The following FAM193A variants were observed in gnomAD, a reference collection of about 807,000 sequenced individuals.
FAM193A encodes the protein family with sequence similarity 193 member A, also known as protein FAM193A.
A neutral mutation model predicts 126.5 loss-of-function variants in FAM193A; 22 were observed. The ratio of observed to expected loss-of-function variants is 0.17; its 90% CI spans 0.12 to 0.25. The LOEUF (loss-of-function observed/expected upper bound fraction) is 0.25, where lower values mean the gene tolerates loss of function less well. Among genes scored for constraint, FAM193A ranks in the 10% least tolerant of loss-of-function variants. The pLI, the probability that FAM193A is intolerant of heterozygous loss-of-function variation, is 1.00. For missense variants in FAM193A, 1,675 were observed against 1,672.8 expected (o/e 1.00, Z -0.02); for synonymous variants, 761 against 646.8 (o/e 1.18, Z -2.68).
chr4:2,561,737 T>A (rs978787666), intron 1 of FAM193A, among the ~76,000 whole-genome samples: 1 of 152,030 alleles, frequency 6.6e-6, no homozygotes, highest in Non-Finnish European at 1.5e-5. Context: ...TCTCAAGTGA[T>A]CTGCCTGCCT....
intron 13 of FAM193A, among the ~76,000 whole-genome samples, chr4:2,678,511 C>A (rs1369553819): frequency 6.6e-6 from 1 of 151,812 alleles, no homozygotes; most frequent in Non-Finnish European, 1.5e-5. Flanking sequence ...TACAGGCATG[C>A]GCCTCCATGC....
intron 1 of FAM193A, among the ~76,000 whole-genome samples, chr4:2,594,808 T>C (rs1303951582): frequency 1.6e-4 from 23 of 144,588 alleles, no homozygotes; most frequent in African/African-American, 4.7e-4. Context: ...TCTTTCTTTT[T>C]CTTTTCTTTT....
At chr4:2,617,205 T>G (rs1248738791) in intron 2 of FAM193A, among the ~76,000 whole-genome samples, 1 of 134,646 alleles carries the variant, frequency 7.4e-6, no homozygotes, top group Non-Finnish European at 1.5e-5. Flanking sequence ...AAAGAATATT[T>G]TTTGACCCAT....
intron 4 of FAM193A, 134 bp downstream of exon 4, chr4:2,626,711 G>A (rs1743000651): frequency 1.7e-6 from 1 of 576,954 alleles, no homozygotes; most frequent in Non-Finnish European, 3.1e-6. Flanking sequence ...TGCCTGTCAA[G>A]ACTGCAGCAG....
At chr4:2,626,842 GATA>G (rs1743012985) in intron 4 of FAM193A, among the ~76,000 whole-genome samples, 1 of 152,218 alleles carries the variant, frequency 6.6e-6, no homozygotes, top group Admixed American at 6.5e-5. Flanking sequence ...TGTGAAGACT[GATA>G]ATAATACCTT....
chr4:2,586,075 C>G (rs1465855656), intron 1 of FAM193A, among the ~76,000 whole-genome samples: 1 of 151,958 alleles, frequency 6.6e-6, no homozygotes, highest in Non-Finnish European at 1.5e-5. Context: ...GAAACCCCAT[C>G]TCTACTAAAA....
chr4:2,709,438 T>C (rs1718670236), intron 19 of FAM193A, among the ~76,000 whole-genome samples: 1 of 152,166 alleles, frequency 6.6e-6, no homozygotes, highest in Non-Finnish European at 1.5e-5. Context: ...CTGGGCACGG[T>C]GGCTCATGCC....
chr4:2,715,521 T>TTCC (rs2109369702), intron 19 of FAM193A: 1 of 989,506 alleles, frequency 1.0e-6, no homozygotes, highest in Admixed American at 6.1e-5. Flanking sequence ...GAGAACCACC[T>TTCC]TCCTGTAGGG....
intron 2 of FAM193A, among the ~76,000 whole-genome samples, chr4:2,607,336 C>G (rs183073036): frequency 6.6e-6 from 1 of 152,340 alleles, no homozygotes; most frequent in Non-Finnish European, 1.5e-5. Context: ...TTCGTCCTTG[C>G]ATTGGTGTTT....
intron 1 of FAM193A, among the ~76,000 whole-genome samples, chr4:2,586,609 C>G (rs143727359): frequency 2.0e-5 from 3 of 152,130 alleles, no homozygotes; most frequent in Non-Finnish European, 4.4e-5. Flanking sequence ...CCTTCGTCTA[C>G]TTTTCTATCC....
chr4:2,537,068 C>T lies in FAM193A; in HGVS notation c.153C>T (p.Ala51=), dbSNP rs1249940629. ...LRGSQAAGLA[A]PGSAAGLVGG... ...GTTCCCAGGCCGCGGGCCTGGCGGC[C>T]CCGGGCAGCGCGGCAGGCCTGGTGG... The change falls in exon 1 of 21, where the codon GCC becomes GCT. Residue 51 remains alanine, a synonymous_variant. Transcript: ENST00000637812. 1 of 146,858 alleles carries T rather than the reference C, an allele frequency of 6.8e-6. No homozygotes were observed. The highest frequency in any genetic ancestry group is 1.5e-5 in the Non-Finnish European group (1 of 65,866). The allele number at this position is 146,858 out of a possible 1,614,324, so 9.1% of individuals were successfully genotyped here.
intron 2 of FAM193A, among the ~76,000 whole-genome samples, chr4:2,617,240 T>TTTTATATATATATATATATTTTA (rs377206444): frequency 2.8e-5 from 1 of 35,236 alleles, no homozygotes; most frequent in African/African-American, 2.7e-4. Flanking sequence ...TATGTTTTTA[T>TTTTATATATATATATATATTTTA]TATATATATA....
intron 13 of FAM193A, among the ~76,000 whole-genome samples, chr4:2,678,766 T>C (rs1251810808): frequency 6.6e-6 from 1 of 152,250 alleles, no homozygotes; most frequent in Non-Finnish European, 1.5e-5. Flanking sequence ...TTTTTGAGTG[T>C]TGATTTTGTA....
At chr4:2,717,799 G>T (rs1186730649) in intron 20 of FAM193A, among the ~76,000 whole-genome samples, 1 of 150,444 alleles carries the variant, frequency 6.6e-6, no homozygotes, top group Non-Finnish European at 1.5e-5. Flanking sequence ...GATTACAGGC[G>T]CCTGCCACCA....
chr4:2,650,099 C>T (rs1328980498), intron 7 of FAM193A, among the ~76,000 whole-genome samples: 1 of 152,130 alleles, frequency 6.6e-6, no homozygotes, highest in Admixed American at 6.5e-5. Context: ...AGGGCTCCCA[C>T]TAATTGTGCA....
Position 2,700,326 on chromosome 4 carries a change from A to G in FAM193A, c.4154A>G (p.Glu1385Gly), listed in dbSNP as rs754150804. The G allele has an allele frequency of 4.3e-6, 7 of 1,613,934 alleles. No individual in the cohort carries two copies. In the Admixed American group the frequency reaches 1.0e-4, roughly 23 times the overall value. The change falls in exon 19 of 21, where the codon GAG becomes GGG. Residue 1385 changes from glutamate (E) to glycine (G), a missense_variant. Transcript: ENST00000637812. ...GTGGTCGACCTCATGTCCATCACAG[A>G]GCAGAAAAGAGAGGAGAGAAAAGTC... ...AKVVDLMSIT[E>G]QKREERKVNS...
At chr4:2,555,800 G>GT (rs1738219960) in intron 1 of FAM193A, among the ~76,000 whole-genome samples, 1 of 151,678 alleles carries the variant, frequency 6.6e-6, no homozygotes, top group South Asian at 2.1e-4. Context: ...TGTATTTTTA[G>GT]TAGAGACGGG....
At chr4:2,609,828 C>G (rs954231612) in intron 2 of FAM193A, among the ~76,000 whole-genome samples, 1 of 152,028 alleles carries the variant, frequency 6.6e-6, no homozygotes, top group Non-Finnish European at 1.5e-5. Flanking sequence ...ACTCAGGAGG[C>G]TGAGGCAGGA....
At chr4:2,674,148 G>T (rs148486955) in intron 13 of FAM193A, among the ~76,000 whole-genome samples, 6 of 152,338 alleles carry the variant, frequency 3.9e-5, no homozygotes, top group African/African-American at 1.4e-4. Flanking sequence ...CCATTATTAT[G>T]TGGAAACATA....
Sources: allele counts gnomAD v4.1 joint callset (sites outside exome capture counted in the v4.1 genomes callset), GRCh38; gene constraint gnomAD v4.1.1; transcripts MANE v1.5; gene names NCBI Gene and HGNC (gene_info 2026-07-23, HGNC 2026-07-21).